GRID2: variants seen among roughly 807,000 people sequenced by gnomAD.
GRID2 encodes glutamate ionotropic receptor delta type subunit 2.
Under a neutral mutation model 114.8 loss-of-function variants are expected in GRID2, and 33 were observed. The observed-to-expected ratio is 0.29, with a 90% CI of 0.22 to 0.38. The LOEUF is 0.38. Ranked by LOEUF, GRID2 falls within the 10% of genes least tolerant of loss-of-function variation. The probability of loss-of-function intolerance (pLI) is 1.00; values close to 1 mark genes in which losing one functional copy is unlikely to be tolerated. For missense variants in GRID2, 1,184 were observed against 1,257.7 expected (o/e 0.94, Z 0.89); for synonymous variants, 505 against 449.9 (o/e 1.12, Z -1.55).
rs532684934 is a variant in GRID2 at position 92,921,148 on chromosome 4, T to G, written c.245-163847T>G. Among the ~76,000 whole-genome samples, 13 of 152,318 alleles carry G rather than the reference T, an allele frequency of 8.5e-5. 1 individual carries two copies. In the South Asian group the frequency reaches 2.7e-3, roughly 32 times the overall value. On this transcript the variant is annotated intron_variant, in intron 2 of 15. Transcript: ENST00000282020. ...TCTTCCAGTTGATCGCGTCGGCTACTGAGGCTTGTACATTCATCATGTAGT... is the reference window on the plus strand; with the variant it reads ...TCTTCCAGTTGATCGCGTCGGCTACGGAGGCTTGTACATTCATCATGTAGT...
At chr4:92,845,631 A>T (rs774520846) in intron 2 of GRID2, among the ~76,000 whole-genome samples, 1 of 152,066 alleles carries the variant, frequency 6.6e-6, no homozygotes, top group Non-Finnish European at 1.5e-5. Context: ...ACTCCCTACG[A>T]GTCCAATGGA....
intron 2 of GRID2, among the ~76,000 whole-genome samples, chr4:93,021,925 A>G (rs1723402493): frequency 6.6e-6 from 1 of 150,592 alleles, no homozygotes; most frequent in African/African-American, 2.4e-5. Flanking sequence ...AACTCTGGAG[A>G]GAGGAATTTT....
chr4:93,624,628 A>G (rs2149687454), intron 13 of GRID2, among the ~76,000 whole-genome samples: 1 of 152,322 alleles, frequency 6.6e-6, no homozygotes, highest in East Asian at 1.9e-4. Flanking sequence ...TTGTCACCCC[A>G]GTAACATTTC....
chr4:93,210,639 T>A (rs550948641), intron 5 of GRID2, among the ~76,000 whole-genome samples: 1 of 152,206 alleles, frequency 6.6e-6, no homozygotes, highest in Middle Eastern at 3.4e-3. Flanking sequence ...CACCCACTGT[T>A]TAAGGCTCAA....
At chr4:93,168,210 G>T (rs955691511) in intron 4 of GRID2, among the ~76,000 whole-genome samples, 3 of 144,002 alleles carry the variant, frequency 2.1e-5, no homozygotes, top group African/African-American at 7.7e-5. Context: ...TCAAAAGAAA[G>T]AAAAGGGAAG....
At chr4:93,068,480 C>G (rs778167388) in intron 2 of GRID2, among the ~76,000 whole-genome samples, 5 of 151,982 alleles carry the variant, frequency 3.3e-5, no homozygotes, top group Non-Finnish European at 4.4e-5. Flanking sequence ...ACATCTAACT[C>G]TCGTTAAAAC....
At chr4:93,356,519 T>C (rs1761351176) in intron 8 of GRID2, among the ~76,000 whole-genome samples, 1 of 151,974 alleles carries the variant, frequency 6.6e-6, no homozygotes, top group Admixed American at 6.6e-5. Flanking sequence ...TTTTTCTAAG[T>C]TACTGAATTG....
chr4:92,994,607 A>G (rs1201896572), intron 2 of GRID2, among the ~76,000 whole-genome samples: 1 of 152,170 alleles, frequency 6.6e-6, no homozygotes, highest in African/African-American at 2.4e-5. Context: ...TACAGGCATG[A>G]GCCACCATGC....
chr4:92,694,438 A>G (rs911059689), intron 2 of GRID2, among the ~76,000 whole-genome samples: 2 of 152,172 alleles, frequency 1.3e-5, no homozygotes, highest in Non-Finnish European at 2.9e-5. Context: ...GTTCAGCGCT[A>G]CAGGGCTAAA....
chr4:92,942,861 T>G (rs910584982), intron 2 of GRID2, among the ~76,000 whole-genome samples: 2 of 152,198 alleles, frequency 1.3e-5, no homozygotes, highest in Non-Finnish European at 2.9e-5. Flanking sequence ...AATTCTGGGT[T>G]GAAAATTCTT....
At chr4:92,889,471 C>G (rs983714827) in intron 2 of GRID2, among the ~76,000 whole-genome samples, 4 of 152,084 alleles carry the variant, frequency 2.6e-5, no homozygotes, top group African/African-American at 9.7e-5. Context: ...TTCCTGTACA[C>G]CAATAATAGA....
chr4:92,376,748 T>G (rs1301864460), intron 1 of GRID2, among the ~76,000 whole-genome samples: 1 of 152,180 alleles, frequency 6.6e-6, no homozygotes. Context: ...TCTTGACTTT[T>G]GTGCGCTTGC....
chr4:93,356,113 C>A (rs1761309149), intron 8 of GRID2, among the ~76,000 whole-genome samples: 1 of 152,016 alleles, frequency 6.6e-6, no homozygotes, highest in Non-Finnish European at 1.5e-5. Flanking sequence ...ACATATAAAA[C>A]CCGTATAAAT....
At position 93,515,345 on chromosome 4, in the gene GRID2, G is replaced by T; in HGVS notation, c.2127G>T (p.Trp709Cys). 6.2e-7 allele frequency: 1 copy of T among 1,613,118 alleles called. No individual in the cohort carries two copies. The change falls in exon 13 of 16, where the codon TGG becomes TGT. Residue 709 changes from tryptophan (W) to cysteine (C), a missense_variant. Transcript: ENST00000282020. Reference sequence around the variant, plus strand: ...GGGACAGCATGTATTCCCAAATGTGGCGGATGATCAACCGAAGCAATGGAT... The same window carrying T: ...GGGACAGCATGTATTCCCAAATGTGTCGGATGATCAACCGAAGCAATGGAT... Reference protein sequence around the residue: ...FERDSMYSQMWRMINRSNGSE... With the variant: ...FERDSMYSQMCRMINRSNGSE...
At chr4:92,350,214 C>T (rs1443200758) in intron 1 of GRID2, among the ~76,000 whole-genome samples, 2 of 151,732 alleles carry the variant, frequency 1.3e-5, no homozygotes, top group Non-Finnish European at 3.0e-5. Flanking sequence ...AGCATTGGTG[C>T]TGAAAAGTCT....
intron 10 of GRID2, among the ~76,000 whole-genome samples, chr4:93,434,389 T>C (rs1278133937): frequency 6.6e-6 from 1 of 152,140 alleles, no homozygotes; most frequent in African/African-American, 2.4e-5. Flanking sequence ...ACATGGCACA[T>C]GTATACATAT....
In GRID2 at chr4:93,608,105, T is replaced by C. The variant is rs527900678; in HGVS notation, c.2194-18164T>C. Among the ~76,000 whole-genome samples, 670 of 148,210 alleles carry C rather than the reference T, an allele frequency of 4.5e-3. 2 individuals are homozygous for C. The highest frequency in any genetic ancestry group is 7.2e-3 in the Middle Eastern group (2 of 278). On this transcript the variant is annotated intron_variant, in intron 13 of 15. Coordinates refer to ENST00000282020, the MANE Select transcript of GRID2 (RefSeq NM_001510.4). ...ATATATATACACATATATGTATATATACACACACACATATATGTGTATATA... is the reference window on the plus strand; with the variant it reads ...ATATATATACACATATATGTATATACACACACACACATATATGTGTATATA...
chr4:92,483,061 T>G (rs992795614), intron 1 of GRID2, among the ~76,000 whole-genome samples: 1 of 152,122 alleles, frequency 6.6e-6, no homozygotes, highest in Non-Finnish European at 1.5e-5. Context: ...CAAGCTTGGC[T>G]GGGCGCAGTG....
At chr4:93,330,477 A>G (rs188546840) in intron 8 of GRID2, among the ~76,000 whole-genome samples, 17 of 152,292 alleles carry the variant, frequency 1.1e-4, no homozygotes, top group Non-Finnish European at 1.5e-5. Flanking sequence ...ATTGAAAGAA[A>G]TATTTTCATT....
Sources: allele counts gnomAD v4.1 joint callset (sites outside exome capture counted in the v4.1 genomes callset), GRCh38; gene constraint gnomAD v4.1.1; transcripts MANE v1.5; gene names NCBI Gene and HGNC (gene_info 2026-07-23, HGNC 2026-07-21).